SREK1: variants seen among roughly 807,000 people sequenced by gnomAD.
SREK1 encodes splicing regulatory glutamine/lysine-rich protein 1.
Under a neutral mutation model 66.5 loss-of-function variants are expected in SREK1, and 13 were observed. The observed-to-expected ratio is 0.20, with a 90% CI of 0.13 to 0.31. The LOEUF is 0.31. Ranked by LOEUF, SREK1 falls within the 10% of genes least tolerant of loss-of-function variation. The probability of loss-of-function intolerance (pLI) is 1.00; values close to 1 mark genes in which losing one functional copy is unlikely to be tolerated. For missense variants in SREK1, 607 were observed against 769.6 expected (o/e 0.79, Z 2.50); for synonymous variants, 265 against 263.5 (o/e 1.01, Z -0.05).
intron 1 of SREK1, 131 bp downstream of exon 1, chr5:66,144,668 C>A (rs1265064002): frequency 7.1e-7 from 1 of 1,403,506 alleles, no homozygotes. Context: ...CCTTGGTGCC[C>A]ATATTTGATT....
rs538442754 is a variant in SREK1, at chr5:66,162,210, C to T, written c.513C>T (p.Asn171=). ...TACCACAGCCACCACTTATGGGAAA[C>T]GTGGATCCTTCCAAAATAGATGAAA... ...GEIPQPPLMG[N]VDPSKIDEIR... The change falls in exon 4 of 12, where the codon AAC becomes AAT. Residue 171 remains asparagine, a synonymous_variant. Coordinates refer to ENST00000334121, the MANE Select transcript of SREK1 (RefSeq NM_001077199.3). The T allele has an allele frequency of 2.4e-5, 38 of 1,614,012 alleles. No individual in the cohort carries two copies. The highest frequency in any genetic ancestry group is 5.5e-5 in the South Asian group (5 of 91,074).
chr5:66,173,120 G>A (rs913223192), intron 9 of SREK1, among the ~76,000 whole-genome samples: 2 of 151,846 alleles, frequency 1.3e-5, no homozygotes, highest in Admixed American at 6.6e-5. Flanking sequence ...GACGTGAGCC[G>A]CCACCGCCCC....
rs992149601 is a variant in SREK1, at chr5:66,161,986, C to T, written c.412-123C>T. The T allele has an allele frequency of 2.7e-5, 29 of 1,080,372 alleles. No homozygotes were observed. In the African/African-American group the frequency reaches 3.1e-4, roughly 11 times the overall value. 66.9% of individuals were successfully genotyped at this position (1,080,372 alleles called of 1,614,324 possible). A position where few individuals can be genotyped will look rare whatever the true frequency, so the allele number is the denominator to read the frequency against. On this transcript the variant is annotated intron_variant, in intron 3 of 11. Transcript: ENST00000334121. ...TCAGACATATATATGACTGAAAGTT[C>T]GGAGTCCCTAGTCTCCTTTCATTCT...
intron 1 of SREK1, among the ~76,000 whole-genome samples, chr5:66,151,670 G>C (rs1158263979): frequency 6.6e-6 from 1 of 152,086 alleles, no homozygotes; most frequent in Non-Finnish European, 1.5e-5. Flanking sequence ...TGTAAAGGTG[G>C]TGAGTTAAGT....
rs1365603774 is a variant in SREK1, at chr5:66,182,194, A to G, written c.*3326A>G. The G allele has an allele frequency of 6.6e-6, 1 of 152,158 alleles. No individual in the cohort carries two copies. Among genetic ancestry groups the G allele is most frequent in the African/African-American group, 2.4e-5 (1 of 41,444 alleles). 9.4% of individuals were successfully genotyped at this position (152,158 alleles called of 1,614,324 possible). ...GAATAACTTATAATTTCAGTGAATC[A>G]TTTACGTTTTCATTGGAAGACAGTA... is the stretch of plus-strand genomic sequence containing the variant. On this transcript the variant is annotated 3_prime_UTR_variant, in exon 12 of 12. Transcript: ENST00000334121.
In SREK1 at chr5:66,144,341, G is replaced by C; in HGVS notation, c.-36G>C. The C allele has an allele frequency of 6.7e-7, 1 of 1,494,724 alleles. No individual in the cohort carries two copies. The highest frequency in any genetic ancestry group is 9.1e-7 in the Non-Finnish European group (1 of 1,103,680). 92.6% of individuals were successfully genotyped at this position (1,494,724 alleles called of 1,614,324 possible). A position where few individuals can be genotyped will look rare whatever the true frequency, so the allele number is the denominator to read the frequency against. ...GCTCCGTCGCTGACGCGTCGTAGAC[G>C]TTGGGGAGCGGGAAGGCAACGGCAG... On this transcript the variant is annotated 5_prime_UTR_variant, in exon 1 of 12. Coordinates refer to ENST00000334121, the MANE Select transcript of SREK1 (RefSeq NM_001077199.3).
Position 66,170,188 on chromosome 5 carries a change from TAAC to T in SREK1, c.1121+21_1121+23del, listed in dbSNP as rs1745512536. 6.3e-7 allele frequency: 1 copy of T among 1,598,146 alleles called. No individual in the cohort carries two copies. The highest frequency in any genetic ancestry group is 1.1e-5 in the South Asian group (1 of 87,810). ...CATTCACGGTGAGTTTTAGAGAAAT[TAAC>T]AATAATTTTTTTTTCCTCAGAGTTC... On this transcript the variant is annotated intron_variant, in intron 8 of 11. Transcript: ENST00000334121.
At chr5:66,174,745 C>G (rs1745915541) in intron 9 of SREK1, 4 of 424,524 alleles carry the variant, frequency 9.4e-6, no homozygotes, top group Non-Finnish European at 1.7e-5. Context: ...ATGTTTTCAT[C>G]AGTCTGTAAA....
At chr5:66,160,973 G>A (rs1414399990) in intron 3 of SREK1, among the ~76,000 whole-genome samples, 4 of 152,126 alleles carry the variant, frequency 2.6e-5, no homozygotes, top group Admixed American at 2.6e-4. Context: ...AATGCTGAAA[G>A]TAAAAACTGA....
rs1337601310 is a variant in SREK1, at chr5:66,162,153, A to G, written c.456A>G (p.Ala152=). The change falls in exon 4 of 12, where the codon GCA becomes GCG. Residue 152 remains alanine (A), a synonymous_variant. Transcript: ENST00000334121. ...GTTTGGGAGCTATACCAGCAGCAGC[A>G]CTAGACCCCAACATTGCAACACTTG... ...LSSLGAIPAA[A]LDPNIATLGE... 2.5e-6 allele frequency: 4 copies of G among 1,614,112 alleles called. No individual in the cohort carries two copies. The highest frequency in any genetic ancestry group is 3.4e-6 in the Non-Finnish European group (4 of 1,179,978).
chr5:66,175,235 G>A (rs1246868253), intron 10 of SREK1, among the ~76,000 whole-genome samples, 194 bp downstream of exon 10: 5 of 152,144 alleles, frequency 3.3e-5, no homozygotes, highest in African/African-American at 1.2e-4. Flanking sequence ...ACTGTTCCCA[G>A]AAGTAATGAC....
intron 11 of SREK1, among the ~76,000 whole-genome samples, chr5:66,178,257 G>T (rs987167315): frequency 6.6e-6 from 1 of 152,020 alleles, no homozygotes; most frequent in East Asian, 1.9e-4. Flanking sequence ...ACGATGTGCC[G>T]GGCACTGTTT....
chr5:66,151,395 T>C (rs1743793143), intron 1 of SREK1, among the ~76,000 whole-genome samples: 1 of 152,182 alleles, frequency 6.6e-6, no homozygotes, highest in South Asian at 2.1e-4. Context: ...TGGAATTTTA[T>C]TGTGTACCTA....
At chr5:66,173,673 G>T (rs1745833968) in intron 9 of SREK1, among the ~76,000 whole-genome samples, 1 of 152,122 alleles carries the variant, frequency 6.6e-6, no homozygotes, top group Admixed American at 6.5e-5. Flanking sequence ...TGTACATAGT[G>T]CTTTCTGAAC....
In SREK1 at chr5:66,170,754, A is replaced by G; in HGVS notation, c.1291A>G (p.Lys431Glu). ...AAAGGACCGGGAAAAAGACAAGGAA[A>G]AGGACAGAGAGAGAGAACGGGAAAA... is the stretch of plus-strand genomic sequence containing the variant. ...REKDREKDKE[K>E]DREREREKEH... The change falls in exon 9 of 12, where the codon AAG becomes GAG. Residue 431 changes from lysine to glutamate, a missense_variant. By Grantham distance (56) the Lys-to-Glu change is moderately conservative. Coordinates refer to ENST00000334121, the MANE Select transcript of SREK1 (RefSeq NM_001077199.3). 1 of 1,600,074 alleles carries G rather than the reference A, an allele frequency of 6.2e-7. No individual in the cohort carries two copies. The highest frequency in any genetic ancestry group is 8.5e-7 in the Non-Finnish European group (1 of 1,172,630).
At chr5:66,166,583 A>C (rs1745197973) in intron 7 of SREK1, 1 of 151,776 alleles carries the variant, frequency 6.6e-6, no homozygotes, top group East Asian at 1.9e-4. Flanking sequence ...TGATCCTCCC[A>C]CCTCAGCTTC....
chr5:66,175,015 A>G lies in SREK1; in HGVS notation c.1554A>G (p.Lys518=). ...SPRTSKTIKR[K]SSRSPSPRSR... is the part of the protein sequence containing the mutation. ...GAACATCAAAAACCATAAAAAGGAA[A>G]TCTTCTAGATCTCCGTCCCCCAGGA... Residue 518 remains lysine (K), a synonymous_variant, in exon 10 of 12, where the codon AAA becomes AAG. Transcript: ENST00000334121. The G allele has an allele frequency of 6.2e-7, 1 of 1,612,502 alleles. No homozygotes were observed. Among genetic ancestry groups the G allele is most frequent in the South Asian group, 1.1e-5 (1 of 90,744 alleles).
chr5:66,150,640 G>A (rs1183846931), intron 1 of SREK1, among the ~76,000 whole-genome samples: 1 of 152,160 alleles, frequency 6.6e-6, no homozygotes, highest in Non-Finnish European at 1.5e-5. Flanking sequence ...AAGCTGTTAA[G>A]TAATCCACAT....
At position 66,162,349 on chromosome 5, in the gene SREK1, A is replaced by T. The variant is rs1048224579; in HGVS notation, c.577-65A>T. 4 of 1,603,656 alleles carry T rather than the reference A, an allele frequency of 2.5e-6. No homozygotes were observed. The African/African-American group carries it at 5.4e-5, about 22-fold the overall frequency. ...CTTCTTAAAAATCATATCAGTGGAT[A>T]CAGTAATATTTATCTGATTTTTTAA... is the stretch of plus-strand genomic sequence containing the variant. On this transcript the variant is annotated intron_variant, in intron 4 of 11. Transcript: ENST00000334121.
Sources: gnomAD v4.1 joint callset for allele counts (sites outside exome capture counted in the v4.1 genomes callset) on GRCh38, gnomAD v4.1.1 for gene constraint, MANE v1.5 for transcripts, NCBI Gene and HGNC (gene_info 2026-07-23, HGNC 2026-07-21) for gene names.